The following ARHGEF12 variants were observed in gnomAD, a reference collection of about 807,000 sequenced individuals.
ARHGEF12 encodes KMT2A/ARHGEF12 fusion protein.
ARHGEF12 carries 66 observed loss-of-function variants against 211.2 expected under a neutral mutation model. That is an observed-to-expected ratio of 0.31 (90% CI 0.26 to 0.38). The LOEUF (loss-of-function observed/expected upper bound fraction) is 0.38. Ranked by LOEUF, ARHGEF12 falls within the 10% of genes least tolerant of loss-of-function variation. The pLI, the probability that ARHGEF12 is intolerant of heterozygous loss-of-function variation, is 1.00. For missense variants in ARHGEF12, 1,429 were observed against 1,869.5 expected (o/e 0.76, Z 4.34); for synonymous variants, 592 against 638.4 (o/e 0.93, Z 1.09).
chr11:120,373,952 C>T (rs1370569359), intron 1 of ARHGEF12, among the ~76,000 whole-genome samples: 1 of 152,150 alleles, frequency 6.6e-6, no homozygotes, highest in Non-Finnish European at 1.5e-5. Context: ...GGATTACAGG[C>T]ATGCACCACC....
Position 120,440,161 on chromosome 11 carries a change from C to A in ARHGEF12, c.1032C>A (p.Thr344=). ...AATCACTTGTCGGAAGTCCCTCAAC[C>A]CGTATAGCACCTCATATTATTGGAG... ...DTQSLVGSPS[T]RIAPHIIGAE... is the part of the protein sequence containing the mutation. Residue 344 remains threonine, a synonymous_variant, in exon 13 of 41, where the codon ACC becomes ACA. Transcript: ENST00000397843. 1 of 1,613,340 alleles carries A rather than the reference C, an allele frequency of 6.2e-7. No homozygotes were observed. Among genetic ancestry groups the A allele is most frequent in the Non-Finnish European group, 8.5e-7 (1 of 1,179,644 alleles).
chr11:120,342,116 C>T (rs915473875), intron 1 of ARHGEF12, among the ~76,000 whole-genome samples: 3 of 151,942 alleles, frequency 2.0e-5, no homozygotes, highest in African/African-American at 7.3e-5. Flanking sequence ...CTCTCAAGTC[C>T]CCCATTGTTT....
At chr11:120,429,889 A>T in intron 10 of ARHGEF12, 58 bp downstream of exon 10, 1 of 1,569,922 alleles carries the variant, frequency 6.4e-7, no homozygotes, top group East Asian at 2.3e-5. Flanking sequence ...TCTTCTGGGA[A>T]TGTGTCAGAG....
At chr11:120,386,285 T>C (rs1053334218) in intron 1 of ARHGEF12, among the ~76,000 whole-genome samples, 10 of 152,134 alleles carry the variant, frequency 6.6e-5, no homozygotes, top group Non-Finnish European at 1.3e-4. Flanking sequence ...GCTGAAGATA[T>C]TTTTGGTTTT....
chr11:120,367,353 C>CTTT lies in ARHGEF12; in HGVS notation c.32+30106_32+30108dup, dbSNP rs1025919456. On this transcript the variant is annotated intron_variant, in intron 1 of 40. Coordinates refer to ENST00000397843, the MANE Select transcript of ARHGEF12 (RefSeq NM_015313.3). ...AAAAAATCTGTTAGGATACTTTTTC[C>CTTT]TTTTTTTTTTTTTTTTTTTTTTTTT... Among the ~76,000 whole-genome samples the CTTT allele has an allele frequency of 3.3e-3, 193 of 59,346 alleles. 41 individuals carry two copies. Among genetic ancestry groups the CTTT allele is most frequent in the African/African-American group, 8.3e-3 (107 of 12,942 alleles). 38.9% of individuals were successfully genotyped at this position (59,346 alleles called of 152,430 possible).
chr11:120,475,576 G>A (rs1947004579), intron 33 of ARHGEF12, 69 bp downstream of exon 33: 2 of 1,500,442 alleles, frequency 1.3e-6, no homozygotes, highest in Admixed American at 1.8e-5. Flanking sequence ...ACTCGGTGCT[G>A]TCTCAATAAC....
intron 1 of ARHGEF12, among the ~76,000 whole-genome samples, chr11:120,401,425 TTTG>T (rs533267924): frequency 1.3e-3 from 198 of 152,346 alleles, no homozygotes; most frequent in African/African-American, 4.4e-3. Context: ...TCTTAGCTGT[TTTG>T]TTATTTTGTG....
At position 120,460,674 on chromosome 11, in the gene ARHGEF12, G is replaced by A; in HGVS notation, c.2530G>A (p.Gly844Arg). The A allele has an allele frequency of 6.2e-7, 1 of 1,612,170 alleles. No individual in the cohort carries two copies. The highest frequency in any genetic ancestry group is 8.5e-7 in the Non-Finnish European group (1 of 1,178,726). Residue 844 changes from glycine (G) to arginine (R), a missense_variant and splice_region_variant, in exon 27 of 41, where the codon GGA (glycine) becomes AGA (arginine). By Grantham distance (125) the Gly-to-Arg change is moderately radical. Coordinates refer to ENST00000397843, the MANE Select transcript of ARHGEF12 (RefSeq NM_015313.3). ...NLEDILQLHI[G>R]LNEQMKAVRK... The stretch of plus-strand genomic sequence containing the variant: ...TTTTTCTATCTTTTTATCTTTAGTT[G>A]GATTGAATGAACAAATGAAGGCTGT...
chr11:120,363,736 CTTA>C (rs1373814731), intron 1 of ARHGEF12, among the ~76,000 whole-genome samples: 2 of 152,164 alleles, frequency 1.3e-5, no homozygotes, highest in African/African-American at 2.4e-5. Context: ...ACCACTTTCC[CTTA>C]TTATGGACTT....
chr11:120,389,504 A>G lies in ARHGEF12; in HGVS notation c.33-16614A>G, dbSNP rs1331029493. On this transcript the variant is annotated intron_variant, in intron 1 of 40. Coordinates refer to ENST00000397843, the MANE Select transcript of ARHGEF12 (RefSeq NM_015313.3). Reference sequence around the variant, plus strand: ...GGGTACCTAGTAAGTGTATGTATTTATGGATTACATCAGATATTTTGATAT... The same window carrying G: ...GGGTACCTAGTAAGTGTATGTATTTGTGGATTACATCAGATATTTTGATAT... 2.6e-5 allele frequency among the ~76,000 whole-genome samples: 4 copies of G among 152,278 alleles called. No individual in the cohort carries two copies. In the East Asian group the frequency reaches 7.7e-4, roughly 29 times the overall value.
intron 8 of ARHGEF12, among the ~76,000 whole-genome samples, chr11:120,428,891 A>G (rs1384098019): frequency 6.6e-6 from 1 of 152,222 alleles, no homozygotes; most frequent in Non-Finnish European, 1.5e-5. Context: ...ATATATTTTG[A>G]AAAGTCACAT....
At chr11:120,411,458 CTTA>C (rs995994042) in intron 4 of ARHGEF12, 7 of 150,278 alleles carry the variant, frequency 4.7e-5, no homozygotes, top group Admixed American at 1.3e-4. Context: ...AGTGTAGGGT[CTTA>C]TTATAAGCCC....
At chr11:120,394,781 G>A (rs1944322535) in intron 1 of ARHGEF12, among the ~76,000 whole-genome samples, 1 of 151,578 alleles carries the variant, frequency 6.6e-6, no homozygotes, top group Admixed American at 6.6e-5. Context: ...GGGGAGGCTG[G>A]GTGCTGTGGC....
In ARHGEF12 at chr11:120,447,855, T is replaced by C; in HGVS notation, c.1590-19T>C. On this transcript the variant is annotated intron_variant, in intron 18 of 40. Transcript: ENST00000397843. ...AACTTCCATATTTCATTTTTAAATT[T>C]TTTTTTCTTTTTTTTAAGGATGACT... 1 of 1,527,768 alleles carries C rather than the reference T, an allele frequency of 6.5e-7. No individual in the cohort carries two copies. The highest frequency in any genetic ancestry group is 8.8e-7 in the Non-Finnish European group (1 of 1,132,842). The allele number at this position is 1,527,768 out of a possible 1,614,324, so 94.6% of individuals were successfully genotyped here.
chr11:120,435,751 C>T (rs553689370), intron 11 of ARHGEF12, among the ~76,000 whole-genome samples: 19 of 151,980 alleles, frequency 1.3e-4, no homozygotes, highest in South Asian at 4.2e-4. Context: ...CTCCTGACCT[C>T]GTGATCCACC....
chr11:120,442,888 G>A (rs1345571357), intron 15 of ARHGEF12, among the ~76,000 whole-genome samples: 5 of 151,934 alleles, frequency 3.3e-5, no homozygotes, highest in Non-Finnish European at 7.4e-5. Flanking sequence ...TTTCTCAGCT[G>A]ATAACCTTGA....
At chr11:120,445,225 C>T (rs1398039237) in intron 15 of ARHGEF12, among the ~76,000 whole-genome samples, 197 bp from the exon 16 acceptor site, 5 of 152,078 alleles carry the variant, frequency 3.3e-5, no homozygotes, top group African/African-American at 1.2e-4. Flanking sequence ...GCATGATCCT[C>T]GGGAAAAGGG....
At chr11:120,347,210 C>CTTTCTTTCTCT (rs1942785971) in intron 1 of ARHGEF12, among the ~76,000 whole-genome samples, 1 of 84,222 alleles carries the variant, frequency 1.2e-5, no homozygotes, top group Non-Finnish European at 2.9e-5. Flanking sequence ...CTTTCTCTTT[C>CTTTCTTTCTCT]TTTTTCTTTC....
intron 11 of ARHGEF12, 98 bp downstream of exon 11, chr11:120,432,009 G>A (rs1323275873): frequency 6.6e-6 from 8 of 1,213,316 alleles, no homozygotes; most frequent in Non-Finnish European, 7.6e-6. Context: ...AGGTGTCTTA[G>A]CACTTTTTAC....
Sources: gnomAD v4.1 joint callset for allele counts (sites outside exome capture counted in the v4.1 genomes callset) on GRCh38, gnomAD v4.1.1 for gene constraint, MANE v1.5 for transcripts, NCBI Gene and HGNC (gene_info 2026-07-23, HGNC 2026-07-21) for gene names.